Variants in ATF6 observed in about 807,000 individuals in gnomAD.
ATF6 encodes activating transcription factor 6.
A neutral mutation model predicts 83.6 loss-of-function variants in ATF6; 53 were observed. That is an observed-to-expected ratio of 0.63 (90% CI 0.51 to 0.80). The LOEUF (loss-of-function observed/expected upper bound fraction) is 0.80, where lower values mean the gene tolerates loss of function less well. Ranked by LOEUF, ATF6 falls within the 30% of genes least tolerant of loss-of-function variation. ATF6 has a pLI of 0.00. For synonymous variants in ATF6, 288 were observed against 285.8 expected, an observed-to-expected ratio of 1.01 and a Z score of -0.08; for missense variants, 744 against 797.9, an observed-to-expected ratio of 0.93 and a Z score of 0.81.
chr1:161,857,105 A>G (rs1366046801), intron 12 of ATF6, among the ~76,000 whole-genome samples: 1 of 152,198 alleles, frequency 6.6e-6, no homozygotes, highest in Non-Finnish European at 1.5e-5. Context: ...GCTGTTGTCA[A>G]TGCCAAAGCA....
chr1:161,851,041 G>C (rs528699144), intron 10 of ATF6, among the ~76,000 whole-genome samples: 1 of 152,010 alleles, frequency 6.6e-6, no homozygotes, highest in South Asian at 2.1e-4. Flanking sequence ...TGTTTTATTA[G>C]TGATTCACAT....
intron 15 of ATF6, among the ~76,000 whole-genome samples, chr1:161,918,821 G>A (rs1688149511): frequency 6.6e-6 from 1 of 152,186 alleles, no homozygotes; most frequent in Non-Finnish European, 1.5e-5. Flanking sequence ...GATAGAAAGT[G>A]AAGACAGAAA....
chr1:161,819,161 T>G (rs149179179), intron 7 of ATF6, among the ~76,000 whole-genome samples: 263 of 152,236 alleles, frequency 1.7e-3, no homozygotes, highest in African/African-American at 6.0e-3. Context: ...TGATAGAAAA[T>G]GGATAGATTT....
intron 7 of ATF6, among the ~76,000 whole-genome samples, chr1:161,811,423 T>C (rs1249935859): frequency 6.6e-6 from 1 of 152,178 alleles, no homozygotes; most frequent in Non-Finnish European, 1.5e-5. Flanking sequence ...TAAAGGAAAA[T>C]GTCTTATGGC....
At chr1:161,830,936 A>C (rs1297614893) in intron 9 of ATF6, among the ~76,000 whole-genome samples, 1 of 152,244 alleles carries the variant, frequency 6.6e-6, no homozygotes, top group African/African-American at 2.4e-5. Flanking sequence ...ACAAAAGCCA[A>C]AATTGACAAA....
intron 6 of ATF6, among the ~76,000 whole-genome samples, chr1:161,799,533 A>G (rs1488609470): frequency 6.6e-6 from 1 of 152,198 alleles, no homozygotes; most frequent in Non-Finnish European, 1.5e-5. Context: ...CACCTGTGAC[A>G]TGCAATTTAT....
intron 14 of ATF6, among the ~76,000 whole-genome samples, chr1:161,870,104 TTAATC>T (rs1056725551): frequency 3.3e-5 from 5 of 151,822 alleles, no homozygotes; most frequent in African/African-American, 4.8e-5. Flanking sequence ...TGTAAATAAA[TTAATC>T]TAACCCTCCA....
chr1:161,892,230 C>T (rs762548607), intron 14 of ATF6: 2 of 152,118 alleles, frequency 1.3e-5, no homozygotes, highest in Non-Finnish European at 2.9e-5. Context: ...CTTTAATTTT[C>T]GGATGTGGAC....
intron 15 of ATF6, among the ~76,000 whole-genome samples, chr1:161,927,771 C>T (rs544015937): frequency 7.9e-5 from 12 of 151,578 alleles, no homozygotes; most frequent in African/African-American, 1.9e-4. Flanking sequence ...ATTCAGTGTT[C>T]GATGAAGAAA....
chr1:161,859,143 A>C (rs1402170129), intron 12 of ATF6, among the ~76,000 whole-genome samples: 1 of 152,046 alleles, frequency 6.6e-6, no homozygotes, highest in African/African-American at 2.4e-5. Context: ...ATTTGTTGTT[A>C]AACAGAGCAT....
At chr1:161,931,873 A>G (rs189317285) in intron 15 of ATF6, among the ~76,000 whole-genome samples, 40 of 152,240 alleles carry the variant, frequency 2.6e-4, no homozygotes, top group African/African-American at 8.4e-4. Flanking sequence ...CCTTATTCTT[A>G]ACTCTGGTTA....
intron 15 of ATF6, among the ~76,000 whole-genome samples, chr1:161,938,995 T>G (rs983172004): frequency 6.6e-6 from 1 of 152,214 alleles, no homozygotes; most frequent in African/African-American, 2.4e-5. Context: ...TGCTGTTTCC[T>G]CCTTCTCTCC....
chr1:161,867,814 C>T (rs924045175), intron 14 of ATF6, among the ~76,000 whole-genome samples: 3 of 152,218 alleles, frequency 2.0e-5, no homozygotes, highest in Admixed American at 6.5e-5. Flanking sequence ...AGAATCTGAG[C>T]TATAGCCATA....
intron 14 of ATF6, among the ~76,000 whole-genome samples, chr1:161,904,279 T>C (rs1247545800): frequency 6.6e-6 from 1 of 152,138 alleles, no homozygotes; most frequent in Non-Finnish European, 1.5e-5. Context: ...CATCATACCT[T>C]AAAAATGCAC....
chr1:161,909,263 C>G (rs1687939992), intron 14 of ATF6, among the ~76,000 whole-genome samples: 1 of 152,190 alleles, frequency 6.6e-6, no homozygotes. Context: ...ACGGCTACTC[C>G]AGCTCTGGCA....
Position 161,958,539 on chromosome 1 carries a change from TTCCTCC to T in ATF6, c.1900_1905del (p.Pro634_Pro635del). ...ATCCTCCATATCAAAAGTTCGTCAG[TTCCTCC>T]TTACCTCCGAGATCAGCAGAGGAAT... On this transcript the variant is annotated inframe_deletion, in exon 16 of 16. Coordinates refer to ENST00000367942, the MANE Select transcript of ATF6 (RefSeq NM_007348.4). The T allele has an allele frequency of 6.2e-7, 1 of 1,613,958 alleles. No homozygotes were observed. The highest frequency in any genetic ancestry group is 1.1e-5 in the South Asian group (1 of 91,042).
In ATF6 at chr1:161,819,143, G is replaced by A. The variant is rs532326063; in HGVS notation, c.910-490G>A. Among the ~76,000 whole-genome samples the A allele has an allele frequency of 9.2e-5, 14 of 152,268 alleles. 1 individual carries two copies. The South Asian group carries it at 2.9e-3, about 32-fold the overall frequency. ...ATATAGTGAATAAAGTAAAATAATAGTTACTATTGATAGAAAATGGATAGA... is the reference window on the plus strand; with the variant it reads ...ATATAGTGAATAAAGTAAAATAATAATTACTATTGATAGAAAATGGATAGA... On this transcript the variant is annotated intron_variant, in intron 7 of 15. Transcript: ENST00000367942.
rs749577166 is a variant in ATF6 at position 161,819,664 on chromosome 1, T to TA, written c.947dup (p.Asn316LysfsTer46). ...GTGCTAAGGAGACAGCAACGTATGA[T>TA]AAAAAATCGAGAATCCGCTTGTCAG... is the stretch of plus-strand genomic sequence containing the variant. On this transcript the variant is annotated frameshift_variant, in exon 8 of 16. Transcript: ENST00000367942. LOFTEE classifies it high-confidence loss of function. 6.2e-7 allele frequency: 1 copy of TA among 1,609,470 alleles called. No homozygotes were observed. Among genetic ancestry groups the TA allele is most frequent in the Admixed American group, 1.7e-5 (1 of 59,248 alleles).
At chr1:161,943,626 G>A (rs1256048357) in intron 15 of ATF6, among the ~76,000 whole-genome samples, 2 of 151,950 alleles carry the variant, frequency 1.3e-5, no homozygotes, top group Non-Finnish European at 2.9e-5. Context: ...CCTGCCTCAG[G>A]GCCTCTATAC....
Sources: allele counts gnomAD v4.1 joint callset (sites outside exome capture counted in the v4.1 genomes callset), GRCh38; gene constraint gnomAD v4.1.1; transcripts MANE v1.5; gene names NCBI Gene and HGNC (gene_info 2026-07-23, HGNC 2026-07-21).